Variants in TMEM164 observed in about 807,000 individuals in gnomAD.
TMEM164 encodes RP13-360B22.2.
A neutral mutation model predicts 18.8 loss-of-function variants in TMEM164; 4 were observed. That is an observed-to-expected ratio of 0.21 (90% CI 0.10 to 0.49). The LOEUF (loss-of-function observed/expected upper bound fraction) is 0.49, where lower values mean the gene tolerates loss of function less well. Ranked by LOEUF, TMEM164 falls within the 20% of genes least tolerant of loss-of-function variation. TMEM164 has a pLI of 0.98. For synonymous variants in TMEM164, 86 were observed against 101.7 expected (o/e 0.85, Z 0.93); for missense variants, 108 against 239.9 (o/e 0.45, Z 3.63).
At chrX:110,156,216 C>G (rs1028232037) in intron 5 of TMEM164, among the ~76,000 whole-genome samples, 3 of 111,910 alleles carry the variant, frequency 2.7e-5, no homozygotes, top group Non-Finnish European at 5.6e-5. Context: ...GTACTACCTC[C>G]TCTCTGGAGG....
At chrX:110,165,759 A>G (rs1048054300) in intron 5 of TMEM164, among the ~76,000 whole-genome samples, 3 of 111,347 alleles carry the variant, frequency 2.7e-5, no homozygotes, top group African/African-American at 9.8e-5. Flanking sequence ...CTCTTCTCTA[A>G]ATTACCTCCT....
chrX:110,143,109 A>G, intron 4 of TMEM164, among the ~76,000 whole-genome samples: 1 of 112,053 alleles, frequency 8.9e-6, no homozygotes, highest in Non-Finnish European at 1.9e-5. Context: ...TCAGCCAGAG[A>G]GCTAAGCCTT....
rs2066826593 is a variant in TMEM164 at position 110,144,698 on chromosome X, C to A, written c.508-100C>A. The A allele has an allele frequency of 7.4e-6, 4 of 540,149 alleles. No homozygotes were observed. The Admixed American group carries it at 1.3e-4, about 18-fold the overall frequency. The allele number at this position is 540,149 out of a possible 1,213,427, so 44.5% of individuals were successfully genotyped here. ...TGAATTGGTGAAATGCATGGGATTG[C>A]TGAAATATGGGTCCTGAACAGCAGG... is the stretch of plus-strand genomic sequence containing the variant. On this transcript the variant is annotated intron_variant, in intron 4 of 6. Coordinates refer to ENST00000372068, the MANE Select transcript of TMEM164 (RefSeq NM_032227.4).
chrX:110,092,921 G>T (rs2065953812), intron 3 of TMEM164, among the ~76,000 whole-genome samples: 2 of 111,798 alleles, frequency 1.8e-5, no homozygotes, highest in African/African-American at 3.3e-5. Flanking sequence ...TAGCATGAAG[G>T]GCTGTTGAAT....
chrX:110,157,879 G>GTTGA (rs747308630), intron 5 of TMEM164, among the ~76,000 whole-genome samples: 63 of 110,910 alleles, frequency 5.7e-4, no homozygotes, highest in Non-Finnish European at 9.8e-4. Flanking sequence ...TGATTGGTTG[G>GTTGA]TTGATTGATT....
chrX:110,121,720 G>A (rs1218120853), intron 4 of TMEM164, among the ~76,000 whole-genome samples: 1 of 112,106 alleles, frequency 8.9e-6, no homozygotes, highest in African/African-American at 3.2e-5. Context: ...GAATTGCTGG[G>A]TCAAATGATA....
At chrX:110,080,178 C>T (rs1293691994) in intron 3 of TMEM164, among the ~76,000 whole-genome samples, 1 of 111,048 alleles carries the variant, frequency 9.0e-6, no homozygotes, top group Non-Finnish European at 1.9e-5. Context: ...GGTGTCTTAT[C>T]CTTCTTAGTG....
chrX:110,156,761 G>A (rs1416602649), intron 5 of TMEM164, among the ~76,000 whole-genome samples: 9 of 111,531 alleles, frequency 8.1e-5, no homozygotes, highest in African/African-American at 2.0e-4. Flanking sequence ...GTTCTCACAC[G>A]TGGAAGGGGC....
At chrX:110,150,431 A>C (rs935376480) in intron 5 of TMEM164, among the ~76,000 whole-genome samples, 1 of 112,443 alleles carries the variant, frequency 8.9e-6, no homozygotes, top group East Asian at 2.8e-4. Flanking sequence ...GCCTGTGAAA[A>C]TGTGAAGAAG....
At position 110,148,675 on chromosome X, in the gene TMEM164, ATTTTTTTTTTTTTT is replaced by A. The variant is rs373500523; in HGVS notation, c.586+3810_586+3823del. On this transcript the variant is annotated intron_variant, in intron 5 of 6. Transcript: ENST00000372068. Reference sequence around the variant, plus strand: ...AGGCACATACTACCACACCCGGCTCATTTTTTTTTTTTTTTTTTTTTTTTGTATTGTGTAGAGAC... The same window carrying A: ...AGGCACATACTACCACACCCGGCTCATTTTTTTTTTGTATTGTGTAGAGAC... Among the ~76,000 whole-genome samples, 8 of 67,894 alleles carry A rather than the reference ATTTTTTTTTTTTTT, an allele frequency of 1.2e-4. No homozygotes were observed. The South Asian group carries it at 4.3e-3, about 37-fold the overall frequency. The allele number at this position is 67,894 out of a possible 115,157, so 59.0% of individuals were successfully genotyped here.
chrX:110,143,747 C>T (rs897448324), intron 4 of TMEM164, among the ~76,000 whole-genome samples: 1 of 109,806 alleles, frequency 9.1e-6, no homozygotes, highest in African/African-American at 3.3e-5. Flanking sequence ...CTGTGGGGAA[C>T]AGGGAGGCAG....
At position 110,176,486 on chromosome X, in the gene TMEM164, T is replaced by C. The variant is rs1602756144; in HGVS notation, c.*3035T>C. ...CTCTCCTCAAACTTCATCGCATTCA[T>C]AGAAGCTGCTTGCAGGGTCGCCGGG... is the stretch of plus-strand genomic sequence containing the variant. On this transcript the variant is annotated 3_prime_UTR_variant, in exon 7 of 7. Coordinates refer to ENST00000372068, the MANE Select transcript of TMEM164 (RefSeq NM_032227.4). 3 of 726,930 alleles carry C rather than the reference T, an allele frequency of 4.1e-6. No individual in the cohort carries two copies. Among genetic ancestry groups the C allele is most frequent in the Non-Finnish European group, 4.9e-6 (3 of 613,094 alleles). 59.9% of individuals were successfully genotyped at this position (726,930 alleles called of 1,213,427 possible).
chrX:110,119,162 A>G (rs773243015), intron 4 of TMEM164, among the ~76,000 whole-genome samples: 14 of 112,539 alleles, frequency 1.2e-4, no homozygotes, highest in Non-Finnish European at 2.6e-4. Context: ...ATAGAAAAGT[A>G]TAAATTTTAA....
chrX:110,130,065 A>G (rs767508432), intron 4 of TMEM164, among the ~76,000 whole-genome samples: 2 of 112,516 alleles, frequency 1.8e-5, no homozygotes, highest in African/African-American at 3.2e-5. Flanking sequence ...ATAAATACTG[A>G]ATGAATGAGT....
At chrX:110,067,101 A>C (rs1406799906) in intron 2 of TMEM164, among the ~76,000 whole-genome samples, 1 of 109,497 alleles carries the variant, frequency 9.1e-6, no homozygotes, top group Non-Finnish European at 1.9e-5. Context: ...ATTGAAACTG[A>C]AGCATTGAAA....
At chrX:110,117,058 T>C (rs1264765887) in intron 4 of TMEM164, among the ~76,000 whole-genome samples, 2 of 111,717 alleles carry the variant, frequency 1.8e-5, no homozygotes, top group Non-Finnish European at 3.8e-5. Context: ...AGTTGATGTG[T>C]GTAAAGCAAA....
At chrX:110,165,765 C>A (rs908171240) in intron 5 of TMEM164, among the ~76,000 whole-genome samples, 1 of 111,644 alleles carries the variant, frequency 9.0e-6, no homozygotes, top group Non-Finnish European at 1.9e-5. Flanking sequence ...TCTAAATTAC[C>A]TCCTCTCAGT....
chrX:110,028,101 CTTTAA>C (rs1340273948), intron 2 of TMEM164, among the ~76,000 whole-genome samples: 9 of 112,031 alleles, frequency 8.0e-5, no homozygotes, highest in Non-Finnish European at 1.7e-4. Context: ...TAGTCAGTGT[CTTTAA>C]TTTATGTTTT....
rs181550231 is a variant in TMEM164, at chrX:110,090,635, G to T, written c.441-18445G>T. On this transcript the variant is annotated intron_variant, in intron 3 of 6. Coordinates refer to ENST00000372068, the MANE Select transcript of TMEM164 (RefSeq NM_032227.4). ...TGGCCTGGAAATTTTTAAACATACG[G>T]AAAAGTGAATAGCGCAGTACATAGA... Among the ~76,000 whole-genome samples, 87 of 111,619 alleles carry T rather than the reference G, an allele frequency of 7.8e-4. 1 individual carries two copies. Among genetic ancestry groups the T allele is most frequent in the Non-Finnish European group, 1.3e-3 (68 of 53,141 alleles).
Sources: allele counts gnomAD v4.1 joint callset (sites outside exome capture counted in the v4.1 genomes callset), GRCh38; gene constraint gnomAD v4.1.1; transcripts MANE v1.5; gene names NCBI Gene and HGNC (gene_info 2026-07-23, HGNC 2026-07-21).